The following STPG2 variants were observed in gnomAD, a reference collection of about 807,000 sequenced individuals.
STPG2 encodes sperm tail PG-rich repeat containing 2, also known as sperm-tail PG-rich repeat-containing protein 2.
STPG2 carries 56 observed loss-of-function variants against 54.2 expected under a neutral mutation model. That is an observed-to-expected ratio of 1.03 (90% CI 0.83 to 1.29). The LOEUF (loss-of-function observed/expected upper bound fraction) is 1.29. Among genes scored for constraint, STPG2 ranks in the 50% most tolerant of loss-of-function variants. STPG2 has a pLI of 0.00. For missense variants in STPG2, 596 were observed against 544.9 expected (o/e 1.09, Z -0.93); for synonymous variants, 200 against 181.8 (o/e 1.10, Z -0.81).
chr4:98,072,325 G>GT (rs1212328898), intron 5 of STPG2, among the ~76,000 whole-genome samples: 6 of 152,174 alleles, frequency 3.9e-5, no homozygotes, highest in African/African-American at 1.4e-4. Flanking sequence ...ACCAAACATC[G>GT]TATGTTCTCA....
intron 5 of STPG2, among the ~76,000 whole-genome samples, chr4:98,082,587 G>A (rs1738381787): frequency 6.7e-6 from 1 of 148,314 alleles, no homozygotes; most frequent in Non-Finnish European, 1.5e-5. Context: ...GAGTAGCTGG[G>A]ACTACAGGCG....
intron 9 of STPG2, among the ~76,000 whole-genome samples, chr4:97,827,216 A>G (rs1195221570): frequency 1.3e-5 from 2 of 150,614 alleles, no homozygotes; most frequent in Non-Finnish European, 1.5e-5. Flanking sequence ...GAGTTAAGGA[A>G]ACTTTTGAGC....
chr4:97,544,003 T>C (rs1393710328), intron 4 of STPG2, among the ~76,000 whole-genome samples: 3 of 152,058 alleles, frequency 2.0e-5, no homozygotes, highest in Non-Finnish European at 4.4e-5. Context: ...ACCTTAATCA[T>C]AATAGAATGT....
intron 8 of STPG2, among the ~76,000 whole-genome samples, chr4:97,852,179 A>G (rs1729181519): frequency 6.6e-6 from 1 of 152,228 alleles, no homozygotes. Flanking sequence ...TTTAAATAGC[A>G]GAGTTAGGAA....
chr4:97,454,997 T>A (rs867963819), intron 4 of STPG2, among the ~76,000 whole-genome samples: 6 of 152,268 alleles, frequency 3.9e-5, no homozygotes, highest in Non-Finnish European at 7.4e-5. Flanking sequence ...AGTCTTATTA[T>A]ACAGCTACAG....
chr4:97,760,019 T>C (rs893179865), intron 9 of STPG2, among the ~76,000 whole-genome samples: 4 of 152,282 alleles, frequency 2.6e-5, no homozygotes, highest in East Asian at 1.9e-4. Context: ...CATAAGCCAA[T>C]ATAGTTATAG....
chr4:97,445,336 T>G (rs963869907), intron 4 of STPG2, among the ~76,000 whole-genome samples: 1 of 152,156 alleles, frequency 6.6e-6, no homozygotes, highest in Non-Finnish European at 1.5e-5. Flanking sequence ...TACAATCTAC[T>G]GATGAATTAA....
intron 10 of STPG2, among the ~76,000 whole-genome samples, chr4:97,610,867 C>T (rs965873060): frequency 3.3e-5 from 5 of 151,870 alleles, no homozygotes; most frequent in South Asian, 4.1e-4. Context: ...AGTGCAACTG[C>T]GTTGTGAGAA....
chr4:97,928,745 G>A (rs1229255083), intron 8 of STPG2, among the ~76,000 whole-genome samples: 2 of 152,002 alleles, frequency 1.3e-5, no homozygotes, highest in Non-Finnish European at 1.5e-5. Flanking sequence ...TCTGCATTAT[G>A]AAATGAGAAA....
chr4:97,514,178 T>C (rs17026743), intron 4 of STPG2, among the ~76,000 whole-genome samples: 2,478 of 152,118 alleles, frequency 0.016, 54 homozygotes, highest in African/African-American at 0.057. Flanking sequence ...GGTTGAGAGT[T>C]CCTAATATGC....
At chr4:97,544,405 T>C (rs1731791084) in intron 4 of STPG2, among the ~76,000 whole-genome samples, 1 of 151,942 alleles carries the variant, frequency 6.6e-6, no homozygotes, top group South Asian at 2.1e-4. Flanking sequence ...AAATGGACCA[T>C]AGGAATAGTA....
At chr4:97,803,053 T>C (rs760582197) in intron 9 of STPG2, among the ~76,000 whole-genome samples, 14 of 152,194 alleles carry the variant, frequency 9.2e-5, no homozygotes, top group African/African-American at 3.4e-4. Context: ...TTTTGGATTG[T>C]GCCAGGAATA....
intron 5 of STPG2, among the ~76,000 whole-genome samples, chr4:98,037,022 G>A (rs1490816916): frequency 6.6e-6 from 1 of 151,866 alleles, no homozygotes; most frequent in Non-Finnish European, 1.5e-5. Context: ...AATCAATGTC[G>A]ATTAAATAAT....
intron 9 of STPG2, among the ~76,000 whole-genome samples, chr4:97,774,501 A>C (rs1315751806): frequency 6.6e-6 from 1 of 152,120 alleles, no homozygotes; most frequent in African/African-American, 2.4e-5. Flanking sequence ...CACTCACACC[A>C]AGCATATCAT....
intron 8 of STPG2, among the ~76,000 whole-genome samples, chr4:97,897,463 G>C (rs978491649): frequency 6.6e-6 from 1 of 151,778 alleles, no homozygotes; most frequent in South Asian, 2.1e-4. Flanking sequence ...CTGTTTTTAG[G>C]TCTTTGAAAA....
intron 9 of STPG2, among the ~76,000 whole-genome samples, chr4:97,765,745 G>A (rs1217147550): frequency 6.6e-6 from 1 of 152,168 alleles, no homozygotes; most frequent in African/African-American, 2.4e-5. Flanking sequence ...CTAATTCAGA[G>A]TCAGACAACC....
intron 9 of STPG2, among the ~76,000 whole-genome samples, chr4:97,834,802 GT>G (rs1157361326): frequency 1.5e-4 from 23 of 152,142 alleles, no homozygotes; most frequent in Non-Finnish European, 5.9e-5. Flanking sequence ...GTACTGAAGA[GT>G]TATGTATTGC....
intron 10 of STPG2, among the ~76,000 whole-genome samples, chr4:97,632,350 G>A (rs1721317662): frequency 6.7e-6 from 1 of 149,036 alleles, no homozygotes. Context: ...TCACAGCTAT[G>A]TTTTACAAGG....
intron 10 of STPG2, among the ~76,000 whole-genome samples, chr4:97,597,742 T>C (rs1189211890): frequency 6.6e-6 from 1 of 152,050 alleles, no homozygotes; most frequent in East Asian, 1.9e-4. Flanking sequence ...ATCGGAAGTA[T>C]AAGAGCCATC....
Sources: allele counts gnomAD v4.1 joint callset (sites outside exome capture counted in the v4.1 genomes callset), GRCh38; gene constraint gnomAD v4.1.1; transcripts MANE v1.5; gene names NCBI Gene and HGNC (gene_info 2026-07-23, HGNC 2026-07-21).